The following ZDHHC23 variants were observed in gnomAD, a reference collection of about 807,000 sequenced individuals.
ZDHHC23 encodes palmitoyltransferase ZDHHC23.
In ZDHHC23, 41 loss-of-function variants were observed where a neutral mutation model predicts 40.2. The ratio of observed to expected loss-of-function variants is 1.02; its 90% CI spans 0.79 to 1.32. The LOEUF is 1.32. Among genes scored for constraint, ZDHHC23 ranks in the 40% most tolerant of loss-of-function variants. The pLI is 0.00. For missense variants in ZDHHC23, 471 were observed against 541.5 expected (o/e 0.87, Z 1.29); for synonymous variants, 204 against 210.2 (o/e 0.97, Z 0.26).
chr3:113,977,197 T>A, the ZDHHC23 span, among the ~76,000 whole-genome samples: 1 of 152,204 alleles, frequency 6.6e-6, no homozygotes. Flanking sequence ...CTTGGCGGGC[T>A]GAGGCATGAG....
the ZDHHC23 span, chr3:113,978,466 A>T: frequency 1.1e-6 from 1 of 880,380 alleles, no homozygotes; most frequent in Non-Finnish European, 1.7e-6. Context: ...GAAAAGGATA[A>T]CCTGGAAGCC....
chr3:113,968,630 T>G (rs992846774), downstream of ZDHHC23, among the ~76,000 whole-genome samples: 2 of 150,342 alleles, frequency 1.3e-5, no homozygotes, highest in African/African-American at 2.5e-5. Context: ...TTTTTTGTTT[T>G]TTTTTTTTTG....
At chr3:113,957,545 C>A (rs944517378) in intron 4 of ZDHHC23, 2 of 381,692 alleles carry the variant, frequency 5.2e-6, no homozygotes, top group Non-Finnish European at 1.0e-5. Flanking sequence ...GCGAGGGAAC[C>A]GAGGAATACA....
rs780615056 is a variant in ZDHHC23 at position 113,956,411 on chromosome 3, G to C, written c.945G>C (p.Ser315=). The change falls in exon 4 of 5, where the codon TCG becomes TCC. Residue 315 remains serine (S), a synonymous_variant. Transcript: ENST00000638807. The stretch of plus-strand genomic sequence containing the variant: ...CCCTTTTGATCTTCTTGCTCACCTC[G>C]GTGTATGGGATCACACTGACCTTGG... ...ILALLIFLLT[S]VYGITLTLDT... is the part of the protein sequence containing the mutation. The C allele has an allele frequency of 5.0e-6, 8 of 1,613,948 alleles. No homozygotes were observed. In the South Asian group the frequency reaches 8.8e-5, roughly 18 times the overall value.
chr3:113,970,547 T>C, the ZDHHC23 span, among the ~76,000 whole-genome samples: 1 of 152,148 alleles, frequency 6.6e-6, no homozygotes, highest in Non-Finnish European at 1.5e-5. Context: ...AGTGGGCATT[T>C]TGGTCCTGGC....
downstream of ZDHHC23, chr3:113,965,072 T>TGTA: frequency 1.4e-6 from 1 of 692,406 alleles, no homozygotes; most frequent in South Asian, 2.7e-5. Flanking sequence ...ACCAGGTGTA[T>TGTA]GTATGTATGT....
chr3:113,949,100 C>T (rs1173079374), intron 2 of ZDHHC23, 137 bp downstream of exon 2: 3 of 1,178,500 alleles, frequency 2.5e-6, no homozygotes, highest in African/African-American at 3.1e-5. Flanking sequence ...GAGTTGGCTT[C>T]TGTGTCAAGT....
At chr3:113,957,370 A>C (rs1483699573) in intron 4 of ZDHHC23, among the ~76,000 whole-genome samples, 1 of 152,178 alleles carries the variant, frequency 6.6e-6, no homozygotes, top group Non-Finnish European at 1.5e-5. Context: ...TCATCCTAGA[A>C]CCAGACACCT....
downstream of ZDHHC23, among the ~76,000 whole-genome samples, chr3:113,968,487 C>T (rs961655652): frequency 2.0e-4 from 30 of 151,544 alleles, no homozygotes; most frequent in Non-Finnish European, 4.1e-4. Context: ...GTCACTCTGT[C>T]GCCCAGGCTG....
chr3:113,966,242 T>TAACA (rs1940156281), downstream of ZDHHC23, among the ~76,000 whole-genome samples: 1 of 152,194 alleles, frequency 6.6e-6, no homozygotes, highest in Non-Finnish European at 1.5e-5. Flanking sequence ...AAAAATACCC[T>TAACA]AACATCAGGT....
downstream of ZDHHC23, among the ~76,000 whole-genome samples, chr3:113,965,914 T>G (rs1261813841): frequency 6.6e-6 from 1 of 151,946 alleles, no homozygotes; most frequent in Non-Finnish European, 1.5e-5. Flanking sequence ...TATTTTTGAT[T>G]GAGTGGTGAA....
the ZDHHC23 span, among the ~76,000 whole-genome samples, chr3:113,975,040 A>G: frequency 2.0e-5 from 3 of 152,194 alleles, no homozygotes; most frequent in African/African-American, 7.2e-5. Context: ...GCTGGGTCCC[A>G]TAAACTCCTT....
downstream of ZDHHC23, among the ~76,000 whole-genome samples, chr3:113,963,908 G>A (rs1384428604): frequency 6.7e-6 from 1 of 150,160 alleles, no homozygotes; most frequent in African/African-American, 2.4e-5. Context: ...ATTTTCTTTA[G>A]TGGCCATTCA....
At chr3:113,978,163 T>C in the ZDHHC23 span, 1 of 1,612,970 alleles carries the variant, frequency 6.2e-7, no homozygotes, top group Non-Finnish European at 8.5e-7. Flanking sequence ...GAGAGTGAAT[T>C]TTCCTCACTA....
chr3:113,964,968 T>G (rs1939964172), downstream of ZDHHC23: 1 of 424,704 alleles, frequency 2.4e-6, no homozygotes, highest in African/African-American at 2.0e-5. Context: ...ATAAATGCTA[T>G]AGTGAATGAC....
At chr3:113,957,792 T>C (rs767089001) in intron 4 of ZDHHC23, 21 of 518,652 alleles carry the variant, frequency 4.0e-5, no homozygotes, top group South Asian at 1.7e-4. Context: ...CCCTACCTTG[T>C]GTGATTGTGT....
Position 113,954,330 on chromosome 3 carries a change from C to T in ZDHHC23, c.792C>T (p.Cys264=), listed in dbSNP as rs1361647185. 2 of 1,613,912 alleles carry T rather than the reference C, an allele frequency of 1.2e-6. No individual in the cohort carries two copies. The highest frequency in any genetic ancestry group is 2.7e-5 in the African/African-American group (2 of 74,930). Residue 264 remains cysteine (C), a synonymous_variant, in exon 3 of 5, where the codon TGC becomes TGT. Transcript: ENST00000638807. ...CGAAGGAGGACTGGTGTGCCAAGTG[C>T]CAGCTGGTGCGACCAGCCCGGGCAT... The part of the protein sequence containing the change: ...TKAKEDWCAK[C]QLVRPARAWH...
intron 4 of ZDHHC23, 33 bp downstream of exon 4, chr3:113,956,539 CT>C (rs895255748): frequency 7.6e-6 from 12 of 1,580,254 alleles, no homozygotes; most frequent in Non-Finnish European, 1.0e-5. Context: ...TGGAGGCCCC[CT>C]GGGAAGTAAT....
rs1938267203 is a variant in ZDHHC23 at position 113,948,193 on chromosome 3, A to T, written c.-118+3A>T. On this transcript the variant is annotated splice_donor_region_variant and intron_variant, in intron 1 of 4. Transcript: ENST00000638807. ...TTGCACCTCCGGCCAGAGGGCAGGT[A>T]ACTTCCCTTCCAAGGTCATTCTCCT... 6.6e-6 allele frequency: 1 copy of T among 152,332 alleles called. No homozygotes were observed. The highest frequency in any genetic ancestry group is 2.4e-5 in the African/African-American group (1 of 41,408). The allele number at this position is 152,332 out of a possible 1,614,324, so 9.4% of individuals were successfully genotyped here. A position where few individuals can be genotyped will look rare whatever the true frequency, so the allele number is the denominator to read the frequency against.
Sources: gnomAD v4.1 joint callset for allele counts (sites outside exome capture counted in the v4.1 genomes callset) on GRCh38, gnomAD v4.1.1 for gene constraint, MANE v1.5 for transcripts, NCBI Gene and HGNC (gene_info 2026-07-23, HGNC 2026-07-21) for gene names.